Variants in MYO5B observed in about 807,000 individuals in gnomAD.
MYO5B encodes myosin VB.
Under a neutral mutation model 229.3 loss-of-function variants are expected in MYO5B, and 143 were observed. The observed-to-expected ratio is 0.62, with a 90% CI of 0.54 to 0.72. The LOEUF is 0.72. MYO5B is among the 30% of genes least tolerant of loss of function. The pLI is 0.00. For missense variants in MYO5B, 2,321 were observed against 2,331.0 expected (o/e 1.00, Z 0.09); for synonymous variants, 918 against 885.2 (o/e 1.04, Z -0.66).
At chr18:50,097,630 C>G (rs968873556) in intron 1 of MYO5B, 2 of 200,686 alleles carry the variant, frequency 1.0e-5, no homozygotes, top group African/African-American at 4.7e-5. Context: ...CCTCTCCAGG[C>G]AATAAGCATG....
chr18:49,949,256 T>C (rs867765774), intron 14 of MYO5B, among the ~76,000 whole-genome samples: 1 of 152,070 alleles, frequency 6.6e-6, no homozygotes. Context: ...GGAAAAACAT[T>C]CTCCTTTTAA....
At chr18:49,874,507 A>C (rs1440091729) in intron 26 of MYO5B, among the ~76,000 whole-genome samples, 2 of 152,236 alleles carry the variant, frequency 1.3e-5, no homozygotes, top group Admixed American at 1.3e-4. Context: ...TCCACCTGAG[A>C]GATTTAAACC....
intron 1 of MYO5B, among the ~76,000 whole-genome samples, chr18:50,178,245 G>T (rs968152938): frequency 2.0e-5 from 3 of 152,100 alleles, no homozygotes; most frequent in Non-Finnish European, 4.4e-5. Context: ...CACCACCAAT[G>T]CTCCCAGCCC....
At chr18:50,174,944 T>A (rs1482769691) in intron 1 of MYO5B, among the ~76,000 whole-genome samples, 1 of 152,014 alleles carries the variant, frequency 6.6e-6, no homozygotes, top group Non-Finnish European at 1.5e-5. Flanking sequence ...ACAAGCAGAG[T>A]GATGGCTGGA....
chr18:50,043,451 T>TAAA (rs2144397003), intron 2 of MYO5B, among the ~76,000 whole-genome samples: 1 of 113,340 alleles, frequency 8.8e-6, no homozygotes, highest in South Asian at 2.5e-4. Context: ...TATTAAATAT[T>TAAA]TAAATATATT....
At chr18:49,965,137 G>T (rs892884529) in intron 10 of MYO5B, among the ~76,000 whole-genome samples, 8 of 152,190 alleles carry the variant, frequency 5.3e-5, no homozygotes, top group Non-Finnish European at 1.0e-4. Context: ...TCCAGTCAGG[G>T]CCTGACGTAC....
Position 50,055,339 on chromosome 18 carries a change from G to T in MYO5B, c.67C>A (p.Arg23Ser). Residue 23 changes from arginine to serine, a missense_variant, in exon 2 of 40, where the codon CGC becomes AGC. Around this residue, in one of 2 missense-constraint regions of MYO5B, gnomAD observed 2,113 missense variants for 2,044.7 expected, o/e 1.03. Transcript: ENST00000285039. The part of the protein sequence containing the change: ...VWIPDPDEVW[R>S]SAELTKDYKE... ...TAGTCCTTGGTTAACTCAGCTGAGCGCCATACCTCATCAGGGTCAGGGATC... is the reference window on the plus strand; with the variant it reads ...TAGTCCTTGGTTAACTCAGCTGAGCTCCATACCTCATCAGGGTCAGGGATC... 6.2e-7 allele frequency: 1 copy of T among 1,613,374 alleles called. No homozygotes were observed. The highest frequency in any genetic ancestry group is 8.5e-7 in the Non-Finnish European group (1 of 1,179,928).
intron 1 of MYO5B, among the ~76,000 whole-genome samples, chr18:50,106,519 C>T (rs1315492539): frequency 6.6e-6 from 1 of 152,206 alleles, no homozygotes; most frequent in African/African-American, 2.4e-5. Flanking sequence ...AATAAGGCTA[C>T]TTTCATTTCC....
intron 29 of MYO5B, among the ~76,000 whole-genome samples, chr18:49,858,590 C>G (rs570051): frequency 0.67 from 101,698 of 152,154 alleles, 34,215 homozygotes; most frequent in Admixed American, 0.78. Context: ...TCCCCGTAAA[C>G]CTACAGACTG....
intron 13 of MYO5B, 122 bp from the exon 14 acceptor site, chr18:49,953,465 A>T: frequency 1.2e-6 from 1 of 803,978 alleles, no homozygotes; most frequent in Non-Finnish European, 2.1e-6. Context: ...AAACCCACAG[A>T]TGTTTCCACT....
At chr18:50,033,460 CT>C (rs762956000) in intron 4 of MYO5B, among the ~76,000 whole-genome samples, 71 of 152,308 alleles carry the variant, frequency 4.7e-4, no homozygotes, top group Non-Finnish European at 7.6e-4. Flanking sequence ...CTACGTACGT[CT>C]TTTCTCTCCC....
chr18:49,940,868 T>TA (rs2025305985), intron 14 of MYO5B, among the ~76,000 whole-genome samples: 3 of 152,244 alleles, frequency 2.0e-5, no homozygotes, highest in Admixed American at 6.5e-5. Flanking sequence ...AAACAGCACC[T>TA]AATGCTGGTG....
At chr18:50,080,283 T>G (rs2031187649) in intron 1 of MYO5B, among the ~76,000 whole-genome samples, 1 of 152,086 alleles carries the variant, frequency 6.6e-6, no homozygotes, top group Non-Finnish European at 1.5e-5. Flanking sequence ...CACAGTTTCT[T>G]AAAGGATCTG....
chr18:50,167,100 G>T (rs2144328636), intron 1 of MYO5B, among the ~76,000 whole-genome samples: 1 of 152,290 alleles, frequency 6.6e-6, no homozygotes, highest in Admixed American at 6.5e-5. Flanking sequence ...TGCCCCTCTG[G>T]CAAGCAAGCC....
intron 20 of MYO5B, among the ~76,000 whole-genome samples, chr18:49,903,210 T>C (rs1345494697): frequency 6.6e-6 from 1 of 152,086 alleles, no homozygotes; most frequent in African/African-American, 2.4e-5. Context: ...AGTGAGATAC[T>C]TCAGTGAGTG....
At chr18:50,082,906 T>C (rs1009214965) in intron 1 of MYO5B, among the ~76,000 whole-genome samples, 8 of 152,182 alleles carry the variant, frequency 5.3e-5, no homozygotes, top group Non-Finnish European at 8.8e-5. Flanking sequence ...AGACATCAAC[T>C]GGGTGTTCCT....
intron 4 of MYO5B, among the ~76,000 whole-genome samples, chr18:50,009,434 C>T (rs1184564881): frequency 2.0e-5 from 3 of 151,856 alleles, no homozygotes; most frequent in Non-Finnish European, 1.5e-5. Context: ...TTCAAACAAG[C>T]GAAATGAAAC....
chr18:50,074,612 C>A lies in MYO5B; in HGVS notation c.28-19234G>T, dbSNP rs78807555. Among the ~76,000 whole-genome samples the A allele has an allele frequency of 1.0e-2, 1,516 of 152,308 alleles. 25 individuals are homozygous for A. The highest frequency in any genetic ancestry group is 0.034 in the African/African-American group (1,407 of 41,574). On this transcript the variant is annotated intron_variant, in intron 1 of 39. Coordinates refer to ENST00000285039, the MANE Select transcript of MYO5B (RefSeq NM_001080467.3). ...TGATCTTCTGGCTCAGGGAGTCTCA[C>A]AAGGCTCTTGTCATGTAAATCTCAG...
chr18:49,978,742 C>G (rs936744401), intron 9 of MYO5B, among the ~76,000 whole-genome samples: 3 of 127,240 alleles, frequency 2.4e-5, no homozygotes, highest in Non-Finnish European at 5.1e-5. Flanking sequence ...CACACACACA[C>G]ACAAAATGCT....
Sources: gnomAD v4.1 joint callset for allele counts (sites outside exome capture counted in the v4.1 genomes callset) on GRCh38, gnomAD v4.1.1 for gene constraint, gnomAD v4.1.1 regional missense constraint, MANE v1.5 for transcripts, NCBI Gene and HGNC (gene_info 2026-07-23, HGNC 2026-07-21) for gene names.